Variants in CTNNA3 observed in about 807,000 individuals in gnomAD.
CTNNA3 encodes the protein catenin alpha-3.
A neutral mutation model predicts 95.7 loss-of-function variants in CTNNA3; 76 were observed. The observed-to-expected ratio is 0.79, with a 90% CI of 0.66 to 0.96. The LOEUF (loss-of-function observed/expected upper bound fraction) is 0.96, where lower values mean the gene tolerates loss of function less well. CTNNA3 is among the 40% of genes least tolerant of loss of function. The probability of loss-of-function intolerance (pLI) is 0.00; values close to 1 mark genes in which losing one functional copy is unlikely to be tolerated. For missense variants in CTNNA3, 1,191 were observed against 1,089.8 expected (o/e 1.09, Z -1.31); for synonymous variants, 431 against 374.4 (o/e 1.15, Z -1.74).
chr10:66,898,084 A>G (rs1845573320), intron 7 of CTNNA3, among the ~76,000 whole-genome samples: 1 of 152,232 alleles, frequency 6.6e-6, no homozygotes, highest in African/African-American at 2.4e-5. Flanking sequence ...AAATGAGATA[A>G]ACTGAACATC....
chr10:67,405,279 T>G (rs1845092998), intron 5 of CTNNA3, among the ~76,000 whole-genome samples: 1 of 152,076 alleles, frequency 6.6e-6, no homozygotes, highest in Non-Finnish European at 1.5e-5. Flanking sequence ...GACCCACTGG[T>G]AAGCTGTCTT....
intron 12 of CTNNA3, among the ~76,000 whole-genome samples, chr10:66,297,129 C>T (rs1028570760): frequency 1.3e-5 from 2 of 151,992 alleles, no homozygotes; most frequent in Admixed American, 6.6e-5. Flanking sequence ...TATGTGTGAA[C>T]TTACACTAGA....
chr10:66,496,778 A>C lies in CTNNA3; in HGVS notation c.1531+23839T>G, dbSNP rs1040142956. Among the ~76,000 whole-genome samples, 11 of 152,220 alleles carry C rather than the reference A, an allele frequency of 7.2e-5. No homozygotes were observed. In the East Asian group the frequency reaches 2.1e-3, roughly 29 times the overall value. On this transcript the variant is annotated intron_variant, in intron 11 of 17. Transcript: ENST00000433211. Reference sequence around the variant, plus strand: ...CAAGGTATTGTGCTAGGTCGTTCAGAACAACGGTGAATAATAGCTATACTA... The same window carrying C: ...CAAGGTATTGTGCTAGGTCGTTCAGCACAACGGTGAATAATAGCTATACTA...
At chr10:66,319,488 G>T (rs946466924) in intron 12 of CTNNA3, among the ~76,000 whole-genome samples, 2 of 152,078 alleles carry the variant, frequency 1.3e-5, no homozygotes, top group Non-Finnish European at 2.9e-5. Context: ...TATAAGATAG[G>T]GGATGGGATG....
chr10:66,972,107 T>C (rs1005872396), intron 7 of CTNNA3, among the ~76,000 whole-genome samples: 1 of 152,186 alleles, frequency 6.6e-6, no homozygotes, highest in Admixed American at 6.5e-5. Flanking sequence ...AGTGTTGCCA[T>C]AGCACACCTA....
At chr10:66,686,398 G>A (rs1317491600) in intron 9 of CTNNA3, among the ~76,000 whole-genome samples, 1 of 152,208 alleles carries the variant, frequency 6.6e-6, no homozygotes, top group African/African-American at 2.4e-5. Context: ...TGCAGGTTGA[G>A]GCTGCAGTGA....
intron 9 of CTNNA3, among the ~76,000 whole-genome samples, chr10:66,691,742 T>C (rs1192654646): frequency 6.6e-6 from 1 of 152,046 alleles, no homozygotes; most frequent in Non-Finnish European, 1.5e-5. Flanking sequence ...CTCACACGGC[T>C]GGGTACTCCT....
At chr10:66,750,889 G>A (rs1338752407) in intron 9 of CTNNA3, among the ~76,000 whole-genome samples, 1 of 152,140 alleles carries the variant, frequency 6.6e-6, no homozygotes, top group East Asian at 1.9e-4. Context: ...TCTTTCATCA[G>A]AGGTTTGTAG....
At chr10:67,340,941 A>T (rs902321485) in intron 5 of CTNNA3, among the ~76,000 whole-genome samples, 2 of 152,208 alleles carry the variant, frequency 1.3e-5, no homozygotes, top group African/African-American at 4.8e-5. Context: ...AGGAAGTAGA[A>T]GCGTAAACAG....
At chr10:66,666,824 T>C (rs1324973023) in intron 9 of CTNNA3, among the ~76,000 whole-genome samples, 2 of 150,762 alleles carry the variant, frequency 1.3e-5, no homozygotes, top group East Asian at 2.0e-4. Context: ...ACTTTTTTAA[T>C]GTATAAAGCA....
intron 12 of CTNNA3, among the ~76,000 whole-genome samples, chr10:66,358,137 C>T (rs770707954): frequency 9.2e-5 from 14 of 152,154 alleles, no homozygotes; most frequent in Non-Finnish European, 1.5e-4. Context: ...TTCTATTTCT[C>T]TTCAGTCAAC....
intron 15 of CTNNA3, among the ~76,000 whole-genome samples, chr10:66,000,021 T>A (rs2078739726): frequency 6.6e-6 from 1 of 151,784 alleles, no homozygotes; most frequent in Non-Finnish European, 1.5e-5. Flanking sequence ...TTTTTATACA[T>A]ACTTCAAAAC....
At chr10:66,368,548 T>G (rs2132455027) in intron 12 of CTNNA3, among the ~76,000 whole-genome samples, 1 of 152,288 alleles carries the variant, frequency 6.6e-6, no homozygotes, top group African/African-American at 2.4e-5. Context: ...TTTACTCTTG[T>G]GTTAGCTTTC....
intron 1 of CTNNA3, among the ~76,000 whole-genome samples, chr10:67,684,985 T>C (rs1840702237): frequency 6.6e-6 from 1 of 152,176 alleles, no homozygotes; most frequent in South Asian, 2.1e-4. Flanking sequence ...GCAACACTCT[T>C]CCGCTAAGAA....
intron 11 of CTNNA3, among the ~76,000 whole-genome samples, chr10:66,498,108 C>T (rs971649767): frequency 6.6e-6 from 1 of 151,906 alleles, no homozygotes; most frequent in African/African-American, 2.4e-5. Context: ...AGTTTAGCTG[C>T]CTAACTCATT....
chr10:67,066,339 T>A (rs966493903), intron 7 of CTNNA3, among the ~76,000 whole-genome samples: 1 of 151,786 alleles, frequency 6.6e-6, no homozygotes, highest in Admixed American at 6.6e-5. Context: ...ACTACAGGTG[T>A]GCGCCACCAC....
chr10:67,180,467 T>A lies in CTNNA3; in HGVS notation c.897A>T (p.Ser299=). Residue 299 remains serine, a synonymous_variant, in exon 7 of 18, where the codon TCA becomes TCT. Coordinates refer to ENST00000433211, the MANE Select transcript of CTNNA3 (RefSeq NM_013266.4). The part of the protein sequence containing the change: ...LTVTEEEIRP[S]LEKRLEAIIS... ...TAATGGCTTCAAGGCGTTTCTCTAG[T>A]GATGGTCGTATTTCCTCCTCAGTTA... 2 of 1,613,874 alleles carry A rather than the reference T, an allele frequency of 1.2e-6. No individual in the cohort carries two copies. The highest frequency in any genetic ancestry group is 1.7e-6 in the Non-Finnish European group (2 of 1,179,890).
At chr10:66,339,313 C>A (rs1406760519) in intron 12 of CTNNA3, among the ~76,000 whole-genome samples, 1 of 151,540 alleles carries the variant, frequency 6.6e-6, no homozygotes, top group African/African-American at 2.4e-5. Flanking sequence ...TTTATTTATT[C>A]CAAAGCAAAG....
rs547773053 is a variant in CTNNA3, at chr10:66,171,200, T to C, written c.1885-67951A>G. ...GAACCATAATATGTGTAAGTCCTTGTAAAGTTTGTAAATTAGGCTAATCTT... is the reference window on the plus strand; with the variant it reads ...GAACCATAATATGTGTAAGTCCTTGCAAAGTTTGTAAATTAGGCTAATCTT... On this transcript the variant is annotated intron_variant, in intron 13 of 17. Transcript: ENST00000433211. Among the ~76,000 whole-genome samples the C allele has an allele frequency of 5.9e-5, 9 of 152,068 alleles. No homozygotes were observed. In the South Asian group the frequency reaches 1.9e-3, roughly 32 times the overall value.
Sources: allele counts gnomAD v4.1 joint callset (sites outside exome capture counted in the v4.1 genomes callset), GRCh38; gene constraint gnomAD v4.1.1; transcripts MANE v1.5; gene names NCBI Gene and HGNC (gene_info 2026-07-23, HGNC 2026-07-21).